SPECC1: variants seen among roughly 807,000 people sequenced by gnomAD.
The protein encoded by SPECC1 is cytospin-B.
SPECC1 carries 62 observed loss-of-function variants against 104.1 expected under a neutral mutation model. That is an observed-to-expected ratio of 0.60 (90% CI 0.49 to 0.74). SPECC1 has a LOEUF of 0.74. Ranked by LOEUF, SPECC1 falls within the 30% of genes least tolerant of loss-of-function variation. The probability of loss-of-function intolerance (pLI) is 0.00; values close to 1 mark genes in which losing one functional copy is unlikely to be tolerated. For missense variants in SPECC1, 1,306 were observed against 1,310.5 expected (o/e 1.00, Z 0.05); for synonymous variants, 513 against 501.6 (o/e 1.02, Z -0.30).
intron 3 of SPECC1, among the ~76,000 whole-genome samples, chr17:20,121,112 GC>G (rs2049006381): frequency 1.3e-5 from 2 of 152,116 alleles, no homozygotes; most frequent in Admixed American, 1.3e-4. Flanking sequence ...CTATTTTTGA[GC>G]CCTGCCACCT....
intron 12 of SPECC1, among the ~76,000 whole-genome samples, chr17:20,284,262 A>G (rs1187535694): frequency 6.6e-6 from 1 of 152,216 alleles, no homozygotes; most frequent in African/African-American, 2.4e-5. Context: ...TGAGCAGAGC[A>G]CAGCAGCCCC....
intron 3 of SPECC1, among the ~76,000 whole-genome samples, chr17:20,125,024 C>CA (rs1417361043): frequency 1.3e-5 from 2 of 152,094 alleles, no homozygotes; most frequent in South Asian, 2.1e-4. Context: ...ACTAAAAATA[C>CA]AAAAAATCAG....
At chr17:20,086,714 T>C (rs2047191469) in intron 1 of SPECC1, among the ~76,000 whole-genome samples, 1 of 152,022 alleles carries the variant, frequency 6.6e-6, no homozygotes, top group African/African-American at 2.4e-5. Context: ...TCTCCATCCA[T>C]GGGTGGGGGC....
intron 13 of SPECC1, among the ~76,000 whole-genome samples, chr17:20,304,117 CAAAAAAA>C (rs774130653): frequency 4.6e-4 from 18 of 39,336 alleles, no homozygotes; most frequent in East Asian, 9.3e-4. Flanking sequence ...ACTAAAAATA[CAAAAAAA>C]AAAAAAAAAA....
At chr17:20,191,880 T>G (rs1220001928) in intron 3 of SPECC1, among the ~76,000 whole-genome samples, 2 of 152,202 alleles carry the variant, frequency 1.3e-5, no homozygotes, top group Admixed American at 6.5e-5. Context: ...TCTGTATTTC[T>G]TCTTCGGTGA....
At chr17:20,203,750 A>G (rs1407574692) in intron 3 of SPECC1, among the ~76,000 whole-genome samples, 1 of 152,236 alleles carries the variant, frequency 6.6e-6, no homozygotes, top group African/African-American at 2.4e-5. Context: ...CAACATTATC[A>G]GTGCAGATGT....
chr17:20,309,603 A>G (rs2041870232), intron 14 of SPECC1, among the ~76,000 whole-genome samples: 1 of 143,676 alleles, frequency 7.0e-6, no homozygotes, highest in African/African-American at 2.7e-5. Context: ...CTTTATGTCC[A>G]TGACTACCCA....
intron 3 of SPECC1, among the ~76,000 whole-genome samples, chr17:20,174,931 T>G (rs1047108605): frequency 6.6e-6 from 1 of 152,048 alleles, no homozygotes; most frequent in African/African-American, 2.4e-5. Flanking sequence ...TGGTCAAAAT[T>G]TTTTGAAATG....
intron 1 of SPECC1, among the ~76,000 whole-genome samples, chr17:20,057,331 C>T (rs1330842839): frequency 6.6e-6 from 1 of 152,106 alleles, no homozygotes; most frequent in Non-Finnish European, 1.5e-5. Flanking sequence ...GTCCCAGCTA[C>T]TCGGGAGGCT....
In SPECC1 at chr17:20,251,224, C is replaced by CAAAAAAAAAAAAAAAAAAAAA. The variant is rs58071050; in HGVS notation, c.2599-2264_2599-2263insAAAAAAAAAAAAAAAAAAAAA. ...TGGGCGACAGAGTAAGACTCTATCT[C>CAAAAAAAAAAAAAAAAAAAAA]AAAAAAAAAAAAAAAAAGCATATGG... On this transcript the variant is annotated intron_variant, in intron 9 of 14. Coordinates refer to ENST00000395527, the MANE Select transcript of SPECC1 (RefSeq NM_001243439.2). 1.6e-3 allele frequency among the ~76,000 whole-genome samples: 83 copies of CAAAAAAAAAAAAAAAAAAAAA among 51,004 alleles called. 11 individuals are homozygous for CAAAAAAAAAAAAAAAAAAAAA. Among genetic ancestry groups the CAAAAAAAAAAAAAAAAAAAAA allele is most frequent in the African/African-American group, 5.7e-3 (60 of 10,492 alleles). The allele number at this position is 51,004 out of a possible 152,430, so 33.5% of individuals were successfully genotyped here.
intron 3 of SPECC1, among the ~76,000 whole-genome samples, chr17:20,164,491 C>T (rs983252120): frequency 6.6e-6 from 1 of 152,050 alleles, no homozygotes; most frequent in Non-Finnish European, 1.5e-5. Flanking sequence ...TCTCAGTTTG[C>T]TGAGGTTTTT....
At chr17:20,282,260 G>A (rs1394141270) in intron 12 of SPECC1, among the ~76,000 whole-genome samples, 1 of 152,228 alleles carries the variant, frequency 6.6e-6, no homozygotes, top group Non-Finnish European at 1.5e-5. Context: ...GGGAGGGACT[G>A]TGCAGCATCT....
At chr17:20,025,380 C>A (rs1411966282) in intron 1 of SPECC1, among the ~76,000 whole-genome samples, 1 of 152,180 alleles carries the variant, frequency 6.6e-6, no homozygotes, top group Admixed American at 6.5e-5. Flanking sequence ...TACTACCTGT[C>A]CTCCCAGCCC....
chr17:20,056,380 C>G (rs3862152), intron 1 of SPECC1: 1 of 189,122 alleles, frequency 5.3e-6, no homozygotes, highest in South Asian at 1.2e-4. Context: ...CCTAGCTAAC[C>G]GCAGCAAGGA....
At chr17:20,127,510 A>G (rs1268832987) in intron 3 of SPECC1, among the ~76,000 whole-genome samples, 1 of 140,276 alleles carries the variant, frequency 7.1e-6, no homozygotes, top group Non-Finnish European at 1.5e-5. Context: ...TGGCGTGACC[A>G]TAGCTCACTG....
intron 12 of SPECC1, among the ~76,000 whole-genome samples, chr17:20,273,127 G>A (rs915360021): frequency 3.9e-5 from 6 of 152,176 alleles, no homozygotes; most frequent in Non-Finnish European, 8.8e-5. Flanking sequence ...CCAGAGAAAG[G>A]CCTTCTAGTC....
At chr17:20,128,445 G>A (rs2049433255) in intron 3 of SPECC1, among the ~76,000 whole-genome samples, 1 of 152,192 alleles carries the variant, frequency 6.6e-6, no homozygotes, top group Admixed American at 6.5e-5. Context: ...CAGGAGTGCT[G>A]TCAGATCACA....
At chr17:20,109,494 T>A (rs1259912427) in intron 2 of SPECC1, among the ~76,000 whole-genome samples, 1 of 152,160 alleles carries the variant, frequency 6.6e-6, no homozygotes, top group Non-Finnish European at 1.5e-5. Context: ...TGTGGATCAC[T>A]TAGGAGTCTC....
At chr17:20,054,738 G>T (rs146359480) in intron 1 of SPECC1, among the ~76,000 whole-genome samples, 2 of 151,990 alleles carry the variant, frequency 1.3e-5, no homozygotes, top group Non-Finnish European at 2.9e-5. Context: ...TGCAATCATG[G>T]CTCACTGCAG....
Sources: gnomAD v4.1 joint callset for allele counts (sites outside exome capture counted in the v4.1 genomes callset) on GRCh38, gnomAD v4.1.1 for gene constraint, MANE v1.5 for transcripts, NCBI Gene and HGNC (gene_info 2026-07-23, HGNC 2026-07-21) for gene names.